Variants in TTLL5 observed in about 807,000 individuals in gnomAD.
TTLL5 encodes tubulin polyglutamylase TTLL5.
A neutral mutation model predicts 168.4 loss-of-function variants in TTLL5; 132 were observed. The ratio of observed to expected loss-of-function variants is 0.78; its 90% confidence interval spans 0.68 to 0.91. The LOEUF (loss-of-function observed/expected upper bound fraction) is 0.91, where lower values mean the gene tolerates loss of function less well. Among genes scored for constraint, TTLL5 ranks in the 40% least tolerant of loss-of-function variants. The pLI, the probability that TTLL5 is intolerant of heterozygous loss-of-function variation, is 0.00. For missense variants in TTLL5, 1,545 were observed against 1,581.5 expected, an observed-to-expected ratio of 0.98 and a Z score of 0.39; for synonymous variants, 546 against 558.6, an observed-to-expected ratio of 0.98 and a Z score of 0.32.
At chr14:75,925,110 C>T (rs1475343384) in intron 31 of TTLL5, among the ~76,000 whole-genome samples, 2 of 146,378 alleles carry the variant, frequency 1.4e-5, no homozygotes, top group East Asian at 2.1e-4. Flanking sequence ...ACCTCCCTCC[C>T]GGACGGGGCG....
chr14:75,749,502 A>G (rs1346213635), intron 17 of TTLL5, among the ~76,000 whole-genome samples: 1 of 152,148 alleles, frequency 6.6e-6, no homozygotes, highest in Admixed American at 6.5e-5. Flanking sequence ...AATTGGACGG[A>G]CTTATATTCC....
intron 31 of TTLL5, 54 bp downstream of exon 31, chr14:75,902,278 G>T: frequency 1.3e-6 from 2 of 1,573,764 alleles, no homozygotes; most frequent in African/African-American, 1.4e-5. Flanking sequence ...AAGGTGTTGG[G>T]CTTGGCACAT....
chr14:75,939,528 G>T lies in TTLL5; in HGVS notation c.3824-14896G>T, dbSNP rs111404100. The stretch of plus-strand genomic sequence containing the variant: ...AGCCCCTGAGTGGCTGGAACCACAG[G>T]TGTGCAACACCACGTCCAGCTAATT... On this transcript the variant is annotated intron_variant, in intron 31 of 31. Coordinates refer to ENST00000298832, the MANE Select transcript of TTLL5 (RefSeq NM_015072.5). 2.8e-3 allele frequency among the ~76,000 whole-genome samples: 429 copies of T among 152,272 alleles called. 3 individuals are homozygous for T. Among genetic ancestry groups the T allele is most frequent in the African/African-American group, 0.01 (418 of 41,546 alleles).
intron 12 of TTLL5, among the ~76,000 whole-genome samples, chr14:75,722,520 A>G (rs1264801908): frequency 6.6e-6 from 1 of 152,168 alleles, no homozygotes. Context: ...TTGTTTATAC[A>G]TACACTCAGC....
intron 28 of TTLL5, among the ~76,000 whole-genome samples, chr14:75,852,804 T>C (rs919290767): frequency 6.6e-6 from 1 of 152,240 alleles, no homozygotes; most frequent in African/African-American, 2.4e-5. Flanking sequence ...ACTTAAATAA[T>C]GTTAAGCACA....
intron 21 of TTLL5, among the ~76,000 whole-genome samples, chr14:75,772,094 A>G (rs1204284788): frequency 6.6e-6 from 1 of 152,156 alleles, no homozygotes; most frequent in Non-Finnish European, 1.5e-5. Context: ...CCATGTAGTG[A>G]AGGCATCAAT....
chr14:75,752,107 G>A (rs1206219527), intron 17 of TTLL5, among the ~76,000 whole-genome samples: 1 of 152,172 alleles, frequency 6.6e-6, no homozygotes, highest in Non-Finnish European at 1.5e-5. Context: ...GTTTTGGTGG[G>A]TTTTAGCCAG....
rs1447785352 is a variant in TTLL5 at position 75,852,903 on chromosome 14, A to G, written c.3327-10764A>G. On this transcript the variant is annotated intron_variant, in intron 28 of 31. Coordinates refer to ENST00000298832, the MANE Select transcript of TTLL5 (RefSeq NM_015072.5). ...AGTTAATTTATAATTTACCTTTTAC[A>G]TTAAGATTTCTTAGTAGACTGTTTC... 2.0e-5 allele frequency among the ~76,000 whole-genome samples: 3 copies of G among 152,334 alleles called. No homozygotes were observed. In the East Asian group the frequency reaches 5.8e-4, roughly 29 times the overall value.
At chr14:75,808,738 G>A (rs557279012) in intron 27 of TTLL5, among the ~76,000 whole-genome samples, 1 of 152,152 alleles carries the variant, frequency 6.6e-6, no homozygotes, top group South Asian at 2.1e-4. Context: ...ATGGCTGCAG[G>A]AATCAAAGCT....
At chr14:75,667,751 G>GTTTTTTTTTTTTTTTTTTTTT (rs67181555) in intron 2 of TTLL5, among the ~76,000 whole-genome samples, 4 of 89,084 alleles carry the variant, frequency 4.5e-5, no homozygotes, top group African/African-American at 8.8e-5. Context: ...ATCTTTTTAT[G>GTTTTTTTTTTTTTTTTTTTTT]TTTTTTTTTT....
At chr14:75,904,419 G>A (rs79860472) in intron 31 of TTLL5, among the ~76,000 whole-genome samples, 1 of 152,082 alleles carries the variant, frequency 6.6e-6, no homozygotes, top group Non-Finnish European at 1.5e-5. Context: ...AACCCAAGGA[G>A]TTCCCTGACT....
At chr14:75,768,237 C>T (rs1341323426) in intron 20 of TTLL5, among the ~76,000 whole-genome samples, 4 of 152,146 alleles carry the variant, frequency 2.6e-5, no homozygotes, top group Non-Finnish European at 5.9e-5. Flanking sequence ...GAGCAATAGA[C>T]ATAAGATCAG....
chr14:75,866,811 G>A (rs1349205923), intron 29 of TTLL5, among the ~76,000 whole-genome samples: 2 of 152,192 alleles, frequency 1.3e-5, no homozygotes, highest in Non-Finnish European at 2.9e-5. Context: ...TGTAGCAATT[G>A]TCATATACTT....
chr14:75,685,284 A>T (rs1181032892), intron 5 of TTLL5, among the ~76,000 whole-genome samples: 1 of 149,336 alleles, frequency 6.7e-6, no homozygotes, highest in Admixed American at 6.7e-5. Flanking sequence ...CTGAGGTGGG[A>T]GGATCACCTG....
chr14:75,724,366 T>C (rs1163579674), intron 12 of TTLL5, among the ~76,000 whole-genome samples: 1 of 152,226 alleles, frequency 6.6e-6, no homozygotes, highest in African/African-American at 2.4e-5. Context: ...GGCAGTGTAT[T>C]ACCATCAAGT....
At chr14:75,667,793 G>A (rs2140086706) in intron 2 of TTLL5, among the ~76,000 whole-genome samples, 1 of 112,802 alleles carries the variant, frequency 8.9e-6, no homozygotes, top group South Asian at 2.9e-4. Flanking sequence ...ACGGAGTCTT[G>A]CTCTGTTGCC....
chr14:75,808,826 G>A (rs1337384177), intron 27 of TTLL5, among the ~76,000 whole-genome samples: 1 of 151,816 alleles, frequency 6.6e-6, no homozygotes, highest in Non-Finnish European at 1.5e-5. Context: ...AGGTCTCACT[G>A]TGTTGCCCAG....
chr14:75,798,444 T>C (rs1168124219), intron 27 of TTLL5, among the ~76,000 whole-genome samples: 1 of 152,094 alleles, frequency 6.6e-6, no homozygotes, highest in Non-Finnish European at 1.5e-5. Flanking sequence ...TGGGTTTTTT[T>C]GTTTGTATCA....
chr14:75,739,985 G>C (rs1288768171), intron 15 of TTLL5, among the ~76,000 whole-genome samples: 1 of 152,126 alleles, frequency 6.6e-6, no homozygotes, highest in East Asian at 1.9e-4. Flanking sequence ...TGTTAATGAA[G>C]ATTCTAAATA....
Sources: allele counts gnomAD v4.1 joint callset (sites outside exome capture counted in the v4.1 genomes callset), GRCh38; gene constraint gnomAD v4.1.1; transcripts MANE v1.5; gene names NCBI Gene and HGNC (gene_info 2026-07-23, HGNC 2026-07-21).